CCNL2: variants seen among roughly 807,000 people sequenced by gnomAD.
CCNL2 encodes the protein cyclin-L2.
A neutral mutation model predicts 59.1 loss-of-function variants in CCNL2; 28 were observed. The ratio of observed to expected loss-of-function variants is 0.47; its 90% CI spans 0.35 to 0.65. The LOEUF is 0.65. CCNL2 is among the 30% of genes least tolerant of loss of function. CCNL2 has a pLI of 0.00. For synonymous variants in CCNL2, 342 were observed against 288.6 expected (o/e 1.19, Z -1.88); for missense variants, 714 against 717.4 (o/e 1.00, Z 0.05).
At chr1:1,390,669 A>G in intron 6 of CCNL2, 97 bp downstream of exon 6, 1 of 1,479,350 alleles carries the variant, frequency 6.8e-7, no homozygotes, top group Non-Finnish European at 9.4e-7. Context: ...GCTTTGGCCC[A>G]GATTAGAGTA....
At position 1,387,255 on chromosome 1, in the gene CCNL2, A is replaced by T. The variant is rs748639427; in HGVS notation, c.1539T>A (p.Pro513=). ...CTCACCTCCGATGCCTGCTGTGCCCAGGGTGGTCCCGCTCATAGCGACGGC... is the reference window on the plus strand; with the variant it reads ...CTCACCTCCGATGCCTGCTGTGCCCTGGGTGGTCCCGCTCATAGCGACGGC... The part of the protein sequence containing the change: ...RTGRRYERDH[P]GHSRHRR The change falls in exon 11 of 11, where the codon CCT becomes CCA. Residue 513 remains proline, a synonymous_variant. Transcript: ENST00000400809. 2.5e-6 allele frequency: 4 copies of T among 1,608,654 alleles called. No homozygotes were observed. Among genetic ancestry groups the T allele is most frequent in the East Asian group, 2.2e-5 (1 of 44,886 alleles).
intron 6 of CCNL2, 58 bp downstream of exon 6, chr1:1,390,708 T>C (rs539890537): frequency 2.5e-4 from 388 of 1,544,812 alleles, no homozygotes; most frequent in Non-Finnish European, 2.5e-4. Context: ...TAAAGTTTAC[T>C]GGAGGCTGGA....
intron 3 of CCNL2, among the ~76,000 whole-genome samples, chr1:1,396,453 A>C (rs139373344): frequency 0.021 from 3,133 of 148,064 alleles, 77 homozygotes; most frequent in African/African-American, 0.057. Flanking sequence ...TGTAGTAGAG[A>C]TGGGGTTTCT....
chr1:1,398,086 G>A (rs562101046), intron 3 of CCNL2, 147 bp downstream of exon 3: 77 of 722,466 alleles, frequency 1.1e-4, no homozygotes, highest in Admixed American at 3.8e-4. Flanking sequence ...AGCAGGCTCT[G>A]TTGGTGGAGC....
intron 2 of CCNL2, 127 bp from the exon 3 acceptor site, chr1:1,398,469 A>G: frequency 6.4e-7 from 1 of 1,571,896 alleles, no homozygotes; most frequent in Non-Finnish European, 8.6e-7. Context: ...AAGTCAAGAA[A>G]CAGAACCCTC....
chr1:1,391,466 G>C, intron 5 of CCNL2: 1 of 1,264,048 alleles, frequency 7.9e-7, no homozygotes, highest in Non-Finnish European at 1.0e-6. Flanking sequence ...CCCCTTGGGT[G>C]CAAGTTGGAC....
Position 1,395,502 on chromosome 1 carries a change from A to T in CCNL2, c.486T>A (p.Pro162=), listed in dbSNP as rs1275648388. 1 of 1,614,088 alleles carries T rather than the reference A, an allele frequency of 6.2e-7. No homozygotes were observed. Among genetic ancestry groups the T allele is most frequent in the Non-Finnish European group, 8.5e-7 (1 of 1,180,022 alleles). The change falls in exon 4 of 11, where the codon CCT becomes CCA. Residue 162 remains proline, a synonymous_variant. Coordinates refer to ENST00000400809, the MANE Select transcript of CCNL2 (RefSeq NM_030937.6). ...TAACATAATCTTGATCCAGTAGTAG[A>T]GGCACGGGCTTCCTGCCAGAGAGAG... ...RQLRDKKKPV[P]LLLDQDYVNL...
intron 5 of CCNL2, chr1:1,391,557 TC>T: frequency 7.7e-7 from 1 of 1,305,242 alleles, no homozygotes; most frequent in South Asian, 1.2e-5. Context: ...CTGCCAACTG[TC>T]CCATTTCAAC....
chr1:1,390,149 C>A, intron 8 of CCNL2, 81 bp downstream of exon 8: 15 of 1,230,650 alleles, frequency 1.2e-5, no homozygotes, highest in African/African-American at 4.6e-5. Context: ...GGAAGGAGCA[C>A]ATACCCCAGA....
chr1:1,396,454 T>C (rs1265346967), intron 3 of CCNL2, among the ~76,000 whole-genome samples: 3 of 151,180 alleles, frequency 2.0e-5, no homozygotes, highest in Non-Finnish European at 2.9e-5. Flanking sequence ...GTAGTAGAGA[T>C]GGGGTTTCTA....
intron 5 of CCNL2, chr1:1,392,044 T>C (rs1345978350): frequency 6.2e-6 from 1 of 161,742 alleles, no homozygotes; most frequent in Non-Finnish European, 1.4e-5. Context: ...GATTTCTAAA[T>C]GGGAAGTCCT....
intron 3 of CCNL2, among the ~76,000 whole-genome samples, 181 bp from the exon 4 acceptor site, chr1:1,395,695 C>T (rs1014572811): frequency 6.6e-6 from 1 of 152,202 alleles, no homozygotes; most frequent in Non-Finnish European, 1.5e-5. Flanking sequence ...TGCCAACCTC[C>T]TCATCCCTTC....
At chr1:1,396,079 T>C (rs1645003197) in intron 3 of CCNL2, among the ~76,000 whole-genome samples, 1 of 149,346 alleles carries the variant, frequency 6.7e-6, no homozygotes, top group Non-Finnish European at 1.5e-5. Flanking sequence ...CTCAGGAGGC[T>C]GAGGCAGGAG....
At chr1:1,394,138 A>C (rs796985477) in intron 4 of CCNL2, among the ~76,000 whole-genome samples, 11 of 152,188 alleles carry the variant, frequency 7.2e-5, no homozygotes, top group African/African-American at 2.7e-4. Context: ...AAAAAAAAAA[A>C]AAGCACTTCA....
rs570480039 is a variant in CCNL2 at position 1,399,334 on chromosome 1, C to T, written c.-28G>A. On this transcript the variant is annotated 5_prime_UTR_variant, in exon 1 of 11. Coordinates refer to ENST00000400809, the MANE Select transcript of CCNL2 (RefSeq NM_030937.6). ...TGTGCCGCCGACTCCCCTTCGGCTT[C>T]TTCCCTCAGGGCGGCTCCTCGCGAA... The T allele has an allele frequency of 7.7e-6, 11 of 1,429,412 alleles. No individual in the cohort carries two copies. Among genetic ancestry groups the T allele is most frequent in the South Asian group, 6.0e-5 (4 of 66,480 alleles). The allele number at this position is 1,429,412 out of a possible 1,614,324, so 88.5% of individuals were successfully genotyped here. A position where few individuals can be genotyped will look rare whatever the true frequency, so the allele number is the denominator to read the frequency against.
At position 1,390,825 on chromosome 1, in the gene CCNL2, G is replaced by C; in HGVS notation, c.700C>G (p.Arg234Gly). Residue 234 changes from arginine (R) to glycine (G), a missense_variant, in exon 6 of 11, where the codon CGG (arginine) becomes GGG (glycine). Physicochemically the swap from Arg to Gly is moderately radical, Grantham distance 125 (BLOSUM62 -2). This residue lies in a region of CCNL2 where 19 missense variants were observed against 40.8 expected (regional missense o/e 0.47). Coordinates refer to ENST00000400809, the MANE Select transcript of CCNL2 (RefSeq NM_030937.6). ...CAGGCGATGCTCTCTGGCTGGAACC[G>C]CACGAAGACGTCGGTGCGAAGGCTG... ...NDSLRTDVFV[R>G]FQPESIACAC... 1 of 1,614,122 alleles carries C rather than the reference G, an allele frequency of 6.2e-7. No individual in the cohort carries two copies. The highest frequency in any genetic ancestry group is 8.5e-7 in the Non-Finnish European group (1 of 1,180,024).
intron 7 of CCNL2, 25 bp from the exon 8 acceptor site, chr1:1,390,396 T>C (rs1302745897): frequency 1.2e-6 from 2 of 1,611,778 alleles, no homozygotes; most frequent in Non-Finnish European, 1.7e-6. Context: ...AGGTGTCCGT[T>C]CAGAACCAGG....
chr1:1,398,451 G>A (rs60003844), intron 2 of CCNL2, 109 bp from the exon 3 acceptor site: 43 of 1,557,866 alleles, frequency 2.8e-5, no homozygotes, highest in Admixed American at 2.0e-5. Flanking sequence ...GCACCCAGGG[G>A]AAAAAAAAAG....
Position 1,393,066 on chromosome 1 carries a change from G to C in CCNL2, c.659+330C>G, listed in dbSNP as rs553188630. 3 of 597,130 alleles carry C rather than the reference G, an allele frequency of 5.0e-6. No homozygotes were observed. In the South Asian group the frequency reaches 6.0e-5, roughly 12 times the overall value. The allele number at this position is 597,130 out of a possible 1,614,324, so 37.0% of individuals were successfully genotyped here. A position where few individuals can be genotyped will look rare whatever the true frequency, so the allele number is the denominator to read the frequency against. On this transcript the variant is annotated intron_variant, in intron 5 of 10. Coordinates refer to ENST00000400809, the MANE Select transcript of CCNL2 (RefSeq NM_030937.6). Reference sequence around the variant, plus strand: ...CAATGTCAGTGGAGAAACAGACCAAGTCTGCACTAGCCTGTCCCTCCACCC... The same window carrying C: ...CAATGTCAGTGGAGAAACAGACCAACTCTGCACTAGCCTGTCCCTCCACCC...
Sources: allele counts gnomAD v4.1 joint callset (sites outside exome capture counted in the v4.1 genomes callset), GRCh38; gene constraint gnomAD v4.1.1; regional missense constraint gnomAD v4.1.1; transcripts MANE v1.5; gene names NCBI Gene and HGNC (gene_info 2026-07-23, HGNC 2026-07-21).